HDAC9: variants seen among roughly 807,000 people sequenced by gnomAD.
HDAC9 encodes MEF-2 interacting transcription repressor (MITR) protein.
Under a neutral mutation model 139.4 loss-of-function variants are expected in HDAC9, and 41 were observed. That is an observed-to-expected ratio of 0.29 (90% CI 0.23 to 0.38). HDAC9 has a LOEUF of 0.38. Among genes scored for constraint, HDAC9 ranks in the 10% least tolerant of loss-of-function variants. The probability of loss-of-function intolerance (pLI) is 1.00; values close to 1 mark genes in which losing one functional copy is unlikely to be tolerated. For synonymous variants in HDAC9, 517 were observed against 476.2 expected (o/e 1.09, Z -1.12); for missense variants, 1,147 against 1,297.0 (o/e 0.88, Z 1.78).
At chr7:18,510,354 G>A (rs1002855705) in intron 2 of HDAC9, among the ~76,000 whole-genome samples, 3 of 152,262 alleles carry the variant, frequency 2.0e-5, no homozygotes, top group Admixed American at 2.0e-4. Context: ...AAGACTGCCT[G>A]AATATAAATG....
At chr7:18,538,706 A>G (rs1811713593) in intron 2 of HDAC9, among the ~76,000 whole-genome samples, 1 of 152,236 alleles carries the variant, frequency 6.6e-6, no homozygotes, top group Non-Finnish European at 1.5e-5. Flanking sequence ...CTTTTAAATT[A>G]GTGACTCACT....
chr7:18,583,733 G>A (rs1246802323), intron 2 of HDAC9, among the ~76,000 whole-genome samples: 2 of 152,126 alleles, frequency 1.3e-5, no homozygotes, highest in Non-Finnish European at 2.9e-5. Flanking sequence ...CAGCCTGGAC[G>A]AAAAAGTGAG....
At chr7:18,867,331 G>C (rs6461388) in intron 21 of HDAC9, among the ~76,000 whole-genome samples, 149,599 of 152,310 alleles carry the variant, frequency 0.98, 73,472 homozygotes, top group East Asian at 1. Context: ...GGCATATCCA[G>C]TACTTGGTCC....
At chr7:18,257,416 C>CACACAA (rs1245209107) in intron 2 of HDAC9, among the ~76,000 whole-genome samples, 3 of 150,528 alleles carry the variant, frequency 2.0e-5, no homozygotes, top group African/African-American at 7.3e-5. Flanking sequence ...CACACACACA[C>CACACAA]ACACACACAC....
intron 1 of HDAC9, among the ~76,000 whole-genome samples, chr7:18,404,178 TGTC>T (rs796071998): frequency 3.5e-4 from 53 of 152,298 alleles, no homozygotes; most frequent in African/African-American, 1.2e-3. Context: ...ACAAATATAA[TGTC>T]GTGTAATGCA....
chr7:18,736,951 C>G (rs212674), intron 13 of HDAC9, among the ~76,000 whole-genome samples: 42,935 of 151,878 alleles, frequency 0.28, 6,931 homozygotes, highest in East Asian at 0.53. Flanking sequence ...CTTCTTCCGG[C>G]TTTAGTCTTG....
chr7:18,569,216 A>C (rs1204522445), intron 2 of HDAC9, among the ~76,000 whole-genome samples: 1 of 152,198 alleles, frequency 6.6e-6, no homozygotes, highest in Non-Finnish European at 1.5e-5. Flanking sequence ...AGCTATACAC[A>C]GTAAGTCAAT....
chr7:18,256,501 A>G lies in HDAC9; in HGVS notation c.25+94152A>G, dbSNP rs563035350. On this transcript the variant is annotated intron_variant, in intron 2 of 12. Transcript: ENST00000417496. ...GAGCTTCAGGTAAATCATGCAGCCAATGAAGAGCCTTTTCTACCTCTCCAA... is the reference window on the plus strand; with the variant it reads ...GAGCTTCAGGTAAATCATGCAGCCAGTGAAGAGCCTTTTCTACCTCTCCAA... 1.2e-4 allele frequency among the ~76,000 whole-genome samples: 19 copies of G among 152,310 alleles called. No homozygotes were observed. The East Asian group carries it at 2.9e-3, about 23-fold the overall frequency.
At chr7:18,238,465 C>G (rs302132) in intron 2 of HDAC9, among the ~76,000 whole-genome samples, 114,953 of 152,058 alleles carry the variant, frequency 0.76, 43,498 homozygotes, top group South Asian at 0.86. Context: ...GTGGGAGGTT[C>G]CTCCAGTATT....
intron 13 of HDAC9, among the ~76,000 whole-genome samples, chr7:18,742,128 G>A (rs73317432): frequency 0.024 from 3,626 of 152,298 alleles, 144 homozygotes; most frequent in African/African-American, 0.082. Flanking sequence ...AGTTTGACAG[G>A]ATTACCTCCA....
intron 2 of HDAC9, among the ~76,000 whole-genome samples, chr7:18,268,568 A>G (rs181718198): frequency 4.7e-4 from 72 of 152,234 alleles, no homozygotes; most frequent in Admixed American, 1.3e-3. Context: ...GTTGATTTTA[A>G]TTAAAGTTTA....
At chr7:18,783,387 G>A (rs1791419022) in intron 16 of HDAC9, among the ~76,000 whole-genome samples, 1 of 152,040 alleles carries the variant, frequency 6.6e-6, no homozygotes, top group Non-Finnish European at 1.5e-5. Context: ...TCCTATATCT[G>A]TTGTGAAGAA....
At chr7:18,672,235 T>C (rs1795715283) in intron 12 of HDAC9, among the ~76,000 whole-genome samples, 1 of 152,044 alleles carries the variant, frequency 6.6e-6, no homozygotes, top group African/African-American at 2.4e-5. Context: ...GCCTTATTGA[T>C]GGTAGCCATC....
intron 25 of HDAC9, among the ~76,000 whole-genome samples, chr7:18,994,477 C>T (rs1786293175): frequency 6.6e-6 from 1 of 152,280 alleles, no homozygotes; most frequent in East Asian, 1.9e-4. Flanking sequence ...TCTCTCACAA[C>T]CTCCTTATCC....
intron 2 of HDAC9, among the ~76,000 whole-genome samples, chr7:18,523,930 G>A: frequency 8.8e-6 from 1 of 113,928 alleles, no homozygotes. Context: ...GCTTCCCATT[G>A]CTTGTCTTGC....
At chr7:18,172,526 C>T (rs536254350) in intron 2 of HDAC9, among the ~76,000 whole-genome samples, 28 of 152,272 alleles carry the variant, frequency 1.8e-4, no homozygotes, top group African/African-American at 5.1e-4. Flanking sequence ...TTCTCTAGTT[C>T]GTTTAACTGT....
At chr7:18,372,532 A>G (rs1183248621) in intron 1 of HDAC9, among the ~76,000 whole-genome samples, 1 of 152,222 alleles carries the variant, frequency 6.6e-6, no homozygotes, top group African/African-American at 2.4e-5. Flanking sequence ...TGGCTTGCTT[A>G]GTATAGACAC....
chr7:18,411,997 T>C lies in HDAC9; in HGVS notation c.-41-84265T>C, dbSNP rs116923674. ...TGCACCACTATGCCCAGCTAATGTT[T>C]GTATTTTTTTGGTAGAGAAGGGGTT... On this transcript the variant is annotated intron_variant, in intron 1 of 3. Coordinates refer to the HDAC9 transcript ENST00000413509. Among the ~76,000 whole-genome samples the C allele has an allele frequency of 8.6e-3, 1,309 of 151,934 alleles. 11 individuals are homozygous for C. The highest frequency in any genetic ancestry group is 0.014 in the Admixed American group (221 of 15,260).
chr7:18,117,272 G>T (rs1784059697), intron 1 of HDAC9, among the ~76,000 whole-genome samples: 1 of 151,970 alleles, frequency 6.6e-6, no homozygotes, highest in South Asian at 2.1e-4. Context: ...AGAAGAGAAG[G>T]TCAGGAGATC....
Sources: gnomAD v4.1 joint callset for allele counts (sites outside exome capture counted in the v4.1 genomes callset) on GRCh38, gnomAD v4.1.1 for gene constraint, MANE v1.5 for transcripts, NCBI Gene and HGNC (gene_info 2026-07-23, HGNC 2026-07-21) for gene names.